WDR27: variants seen among roughly 807,000 people sequenced by gnomAD.
WDR27 encodes the protein WD repeat-containing protein 27.
WDR27 carries 100 observed loss-of-function variants against 114.4 expected under a neutral mutation model. The observed-to-expected ratio is 0.87, with a 90% CI of 0.74 to 1.03. WDR27 has a LOEUF of 1.03. WDR27 is among the 50% of genes least tolerant of loss of function. The pLI is 0.00. For synonymous variants in WDR27, 449 were observed against 423.1 expected, an observed-to-expected ratio of 1.06 and a Z score of -0.75; for missense variants, 1,129 against 1,092.9, an observed-to-expected ratio of 1.03 and a Z score of -0.47.
At chr6:169,667,861 T>C in intron 5 of WDR27, 121 bp downstream of exon 5, 1 of 972,862 alleles carries the variant, frequency 1.0e-6, no homozygotes, top group Non-Finnish European at 1.5e-6. Context: ...CTTGCAGAAG[T>C]GAGGTAGAAA....
intron 25 of WDR27, among the ~76,000 whole-genome samples, chr6:169,542,349 G>C (rs554210736): frequency 2.0e-5 from 3 of 152,194 alleles, no homozygotes; most frequent in Admixed American, 1.3e-4. Context: ...TTTAACTACT[G>C]ATAAAAGTAC....
Position 169,625,725 on chromosome 6 carries a change from C to A in WDR27, c.2223+7222G>T, listed in dbSNP as rs572717958. On this transcript the variant is annotated intron_variant, in intron 21 of 25. Transcript: ENST00000448612. ...GGTCAGAGCTTAGGTGCCAGTGGTGCCTGCTCAGATCTCACGCCGGCACCC... is the reference window on the plus strand; with the variant it reads ...GGTCAGAGCTTAGGTGCCAGTGGTGACTGCTCAGATCTCACGCCGGCACCC... 1.7e-4 allele frequency among the ~76,000 whole-genome samples: 26 copies of A among 152,304 alleles called. No individual in the cohort carries two copies. The South Asian group carries it at 5.4e-3, about 32-fold the overall frequency.
the WDR27 span, among the ~76,000 whole-genome samples, chr6:169,436,430 G>A: frequency 1.3e-5 from 2 of 151,802 alleles, no homozygotes; most frequent in Admixed American, 1.3e-4. Flanking sequence ...TAATATTATT[G>A]GTTTAATGAA....
At chr6:169,445,485 T>C in the WDR27 span, among the ~76,000 whole-genome samples, 55 of 152,326 alleles carry the variant, frequency 3.6e-4, no homozygotes, top group African/African-American at 1.3e-3. Context: ...ACAGAATTAA[T>C]TGTAGGTCCT....
At chr6:169,569,721 A>G (rs6932182) in intron 25 of WDR27, among the ~76,000 whole-genome samples, 77 of 152,328 alleles carry the variant, frequency 5.1e-4, no homozygotes, top group African/African-American at 1.8e-3. Context: ...AAGCATTGCA[A>G]ATGCCTTAAA....
intron 25 of WDR27, among the ~76,000 whole-genome samples, chr6:169,488,941 G>T (rs1197113045): frequency 3.3e-5 from 4 of 121,658 alleles, no homozygotes; most frequent in African/African-American, 1.1e-4. Context: ...CACATTTGAT[G>T]CCCCCTTTTT....
intron 23 of WDR27, among the ~76,000 whole-genome samples, chr6:169,583,352 G>A (rs936366896): frequency 1.7e-4 from 26 of 150,200 alleles, no homozygotes; most frequent in African/African-American, 6.4e-4. Context: ...TAAACTTGAG[G>A]TAGGAGATAG....
chr6:169,528,685 C>T (rs910284785), intron 25 of WDR27, among the ~76,000 whole-genome samples: 1 of 152,168 alleles, frequency 6.6e-6, no homozygotes, highest in Non-Finnish European at 1.5e-5. Context: ...GGCCAACAGG[C>T]CTGGCTAATT....
At chr6:169,679,996 G>A (rs1781091705) in intron 2 of WDR27, among the ~76,000 whole-genome samples, 1 of 152,070 alleles carries the variant, frequency 6.6e-6, no homozygotes, top group African/African-American at 2.4e-5. Flanking sequence ...AATGATAGAA[G>A]AGCAACATAT....
chr6:169,474,359 A>C (rs1470406565), intron 25 of WDR27, among the ~76,000 whole-genome samples: 3 of 152,262 alleles, frequency 2.0e-5, no homozygotes, highest in Non-Finnish European at 4.4e-5. Context: ...AATAAACAGC[A>C]GAAACAAAGT....
At chr6:169,559,598 T>C (rs1420297131) in intron 25 of WDR27, 2 of 152,200 alleles carry the variant, frequency 1.3e-5, no homozygotes, top group Admixed American at 6.5e-5. Flanking sequence ...GGAACTGAGT[T>C]CTAGTCAATA....
chr6:169,685,758 A>G (rs1018163676), intron 2 of WDR27, among the ~76,000 whole-genome samples: 1 of 152,354 alleles, frequency 6.6e-6, no homozygotes, highest in Middle Eastern at 3.4e-3. Context: ...TAGCAGAAGA[A>G]GATAAGGGAG....
intron 22 of WDR27, among the ~76,000 whole-genome samples, chr6:169,605,904 A>G (rs1410788932): frequency 6.6e-6 from 1 of 152,214 alleles, no homozygotes; most frequent in Non-Finnish European, 1.5e-5. Flanking sequence ...GGATAGCTAT[A>G]GGCAAAAGAA....
chr6:169,527,999 C>T (rs1795142864), intron 25 of WDR27, among the ~76,000 whole-genome samples: 1 of 151,994 alleles, frequency 6.6e-6, no homozygotes. Context: ...GAAATGATTC[C>T]TAACTGGGTA....
intron 25 of WDR27, among the ~76,000 whole-genome samples, chr6:169,493,805 T>C (rs542774002): frequency 7.7e-4 from 117 of 152,304 alleles, no homozygotes; most frequent in African/African-American, 2.6e-3. Context: ...GTAATATATA[T>C]GACATACATA....
intron 25 of WDR27, among the ~76,000 whole-genome samples, chr6:169,462,474 AGG>A (rs1028994560): frequency 3.3e-5 from 5 of 150,106 alleles, no homozygotes; most frequent in South Asian, 2.1e-4. Flanking sequence ...GAGGGAGGAG[AGG>A]GGGGAGAGAG....
At position 169,684,136 on chromosome 6, in the gene WDR27, G is replaced by C. The variant is rs1166504110; in HGVS notation, c.189+4681C>G. 1.3e-5 allele frequency among the ~76,000 whole-genome samples: 2 copies of C among 152,062 alleles called. No homozygotes were observed. The highest frequency in any genetic ancestry group is 2.4e-5 in the African/African-American group (1 of 41,400). The stretch of plus-strand genomic sequence containing the variant: ...CTGTTGAGACTGGCCCTGCACAACA[G>C]AGAAACCAACCCTCGCCACTGCACT... On this transcript the variant is annotated intron_variant, in intron 2 of 25. Transcript: ENST00000448612. The surrounding 1 kb of genome is among the most constrained non-coding windows in gnomAD (Gnocchi z 4.3).
At chr6:169,689,097 G>T in intron 1 of WDR27, 85 bp from the exon 2 acceptor site, 1 of 883,892 alleles carries the variant, frequency 1.1e-6, no homozygotes, top group Non-Finnish European at 1.7e-6. Context: ...ATAGTTACTA[G>T]TTTGACCACA....
At chr6:169,444,748 G>T in the WDR27 span, among the ~76,000 whole-genome samples, 1 of 152,002 alleles carries the variant, frequency 6.6e-6, no homozygotes, top group Non-Finnish European at 1.5e-5. Flanking sequence ...CCTGCTAGAG[G>T]CAAAATCCAA....
Sources: allele counts gnomAD v4.1 joint callset (sites outside exome capture counted in the v4.1 genomes callset), GRCh38; gene constraint gnomAD v4.1.1; non-coding constraint Gnocchi (gnomAD v3.1); transcripts MANE v1.5; gene names NCBI Gene and HGNC (gene_info 2026-07-23, HGNC 2026-07-21).